Variants in LRP6 observed in about 807,000 individuals in gnomAD.
LRP6 encodes low-density lipoprotein receptor-related protein 6.
In LRP6, 43 loss-of-function variants were observed where a neutral mutation model predicts 184.1. The ratio of observed to expected loss-of-function variants is 0.23; its 90% CI spans 0.18 to 0.30. The LOEUF (loss-of-function observed/expected upper bound fraction) is 0.30. LRP6 is among the 10% of genes least tolerant of loss of function. The pLI is 1.00. For missense variants in LRP6, 1,571 were observed against 2,005.3 expected (o/e 0.78, Z 4.14); for synonymous variants, 719 against 684.9 (o/e 1.05, Z -0.78).
At chr12:12,262,223 A>G (rs1187251481) in intron 1 of LRP6, among the ~76,000 whole-genome samples, 1 of 152,162 alleles carries the variant, frequency 6.6e-6, no homozygotes, top group Non-Finnish European at 1.5e-5. Flanking sequence ...TACTAAAAAT[A>G]TAAAAATTAT....
chr12:12,212,084 C>A (rs912427835), intron 2 of LRP6, among the ~76,000 whole-genome samples: 1 of 152,182 alleles, frequency 6.6e-6, no homozygotes, highest in Non-Finnish European at 1.5e-5. Flanking sequence ...CATCTCTGTA[C>A]ATTTCAAATA....
At chr12:12,198,530 C>CTTTTTT (rs56150307) in intron 3 of LRP6, among the ~76,000 whole-genome samples, 3 of 76,986 alleles carry the variant, frequency 3.9e-5, no homozygotes, top group Non-Finnish European at 5.0e-5. Context: ...GAATTTTTCT[C>CTTTTTT]TTTTTTTTTT....
At chr12:12,162,162 T>C in intron 10 of LRP6, 31 bp downstream of exon 10, 2 of 1,552,776 alleles carry the variant, frequency 1.3e-6, no homozygotes, top group Non-Finnish European at 1.8e-6. Flanking sequence ...TACACTGCAG[T>C]TGCAAAGAAT....
chr12:12,265,415 A>G (rs182640534), intron 1 of LRP6, among the ~76,000 whole-genome samples: 1 of 152,302 alleles, frequency 6.6e-6, no homozygotes, highest in African/African-American at 2.4e-5. Flanking sequence ...CTCCTCCAAA[A>G]AAAAACTCAA....
At chr12:12,148,879 G>T in intron 14 of LRP6, 63 bp downstream of exon 14, 1 of 1,184,682 alleles carries the variant, frequency 8.4e-7, no homozygotes, top group Non-Finnish European at 1.3e-6. Context: ...ATAACAGGCT[G>T]AAAAAGAAGG....
In LRP6 at chr12:12,163,366, C is replaced by T. The variant is rs1862788904; in HGVS notation, c.2052+907G>A. 3.3e-5 allele frequency among the ~76,000 whole-genome samples: 5 copies of T among 152,170 alleles called. No homozygotes were observed. The South Asian group carries it at 1.0e-3, about 32-fold the overall frequency. The stretch of plus-strand genomic sequence containing the variant: ...TCATTTATTCACTTAATAAATTTAA[C>T]TGAACACCATTAGAATCCAACTCTG... On this transcript the variant is annotated intron_variant, in intron 9 of 22. Coordinates refer to ENST00000261349, the MANE Select transcript of LRP6 (RefSeq NM_002336.3).
intron 7 of LRP6, among the ~76,000 whole-genome samples, chr12:12,176,887 C>G (rs1863199493): frequency 6.7e-6 from 1 of 149,834 alleles, no homozygotes; most frequent in South Asian, 2.1e-4. Context: ...TGTTCTTGTC[C>G]CCCAGGCTGG....
intron 2 of LRP6, among the ~76,000 whole-genome samples, chr12:12,242,820 C>A (rs946095365): frequency 6.6e-6 from 1 of 152,164 alleles, no homozygotes; most frequent in Non-Finnish European, 1.5e-5. Flanking sequence ...TATACTACTG[C>A]CCACATAATC....
At chr12:12,126,434 G>C (rs1467661816) in intron 20 of LRP6, among the ~76,000 whole-genome samples, 1 of 152,182 alleles carries the variant, frequency 6.6e-6, no homozygotes, top group African/African-American at 2.4e-5. Flanking sequence ...CATGCATCCA[G>C]AATTGCAGTC....
chr12:12,194,032 G>T (rs1192413030), intron 3 of LRP6, among the ~76,000 whole-genome samples: 3 of 151,938 alleles, frequency 2.0e-5, no homozygotes, highest in Admixed American at 1.3e-4. Flanking sequence ...TGCAAGATCG[G>T]TTTAACAACT....
chr12:12,224,289 C>T (rs1319927423), intron 2 of LRP6, among the ~76,000 whole-genome samples: 2 of 152,194 alleles, frequency 1.3e-5, no homozygotes, highest in Non-Finnish European at 2.9e-5. Context: ...TCATCTTCTA[C>T]ATATATAACA....
In LRP6 at chr12:12,244,302, A is replaced by T. The variant is rs1464296523; in HGVS notation, c.409T>A (p.Leu137Met). ...SLRKVLFWQE[L>M]DQPRAIALDP... ...AAGGCAATAGCTCTGGGTTGATCCA[A>T]CTCTTGCCAAAATAAAACTTTTCGT... The change falls in exon 2 of 23, where the codon TTG (leucine) becomes ATG (methionine). Residue 137 changes from leucine (L) to methionine (M), a missense_variant. Transcript: ENST00000261349. The T allele has an allele frequency of 3.1e-6, 5 of 1,614,042 alleles. No individual in the cohort carries two copies. The African/African-American group carries it at 6.7e-5, about 22-fold the overall frequency.
chr12:12,125,566 C>G, intron 20 of LRP6, 134 bp from the exon 21 acceptor site: 1 of 804,914 alleles, frequency 1.2e-6, no homozygotes, highest in Admixed American at 2.3e-5. Flanking sequence ...CACTCTTTTC[C>G]TATAATTGAA....
intron 2 of LRP6, among the ~76,000 whole-genome samples, chr12:12,216,495 T>C (rs547134858): frequency 7.9e-5 from 12 of 152,014 alleles, no homozygotes; most frequent in Admixed American, 2.6e-4. Context: ...TAAACAAGAA[T>C]TGGTAACTGA....
At chr12:12,194,227 A>G (rs1863692813) in intron 3 of LRP6, among the ~76,000 whole-genome samples, 1 of 152,086 alleles carries the variant, frequency 6.6e-6, no homozygotes, top group Non-Finnish European at 1.5e-5. Flanking sequence ...AAAAACCTAC[A>G]GGTAATATCA....
At chr12:12,150,536 T>C (rs1950067448) in intron 13 of LRP6, among the ~76,000 whole-genome samples, 1 of 152,084 alleles carries the variant, frequency 6.6e-6, no homozygotes, top group Non-Finnish European at 1.5e-5. Flanking sequence ...CTTCTAATAC[T>C]CCATACAATA....
At chr12:12,239,985 T>C (rs568523336) in intron 2 of LRP6, among the ~76,000 whole-genome samples, 27 of 148,602 alleles carry the variant, frequency 1.8e-4, no homozygotes, top group Non-Finnish European at 3.3e-4. Context: ...TGGATGAGAG[T>C]TAAGATATTA....
At chr12:12,223,512 T>C (rs539332011) in intron 2 of LRP6, among the ~76,000 whole-genome samples, 4 of 152,316 alleles carry the variant, frequency 2.6e-5, no homozygotes, top group African/African-American at 9.6e-5. Context: ...CAATCTTTCA[T>C]CTTGAGGGTC....
chr12:12,203,546 G>A, intron 2 of LRP6, 146 bp from the exon 3 acceptor site: 1 of 692,224 alleles, frequency 1.4e-6, no homozygotes, highest in Non-Finnish European at 2.5e-6. Context: ...GCAGGCAAAT[G>A]ACGAAGTCAA....
Sources: allele counts gnomAD v4.1 joint callset (sites outside exome capture counted in the v4.1 genomes callset), GRCh38; gene constraint gnomAD v4.1.1; transcripts MANE v1.5; gene names NCBI Gene and HGNC (gene_info 2026-07-23, HGNC 2026-07-21).